The following LRRTM4 variants were observed in gnomAD, a reference collection of about 807,000 sequenced individuals.
LRRTM4 encodes the protein leucine-rich repeat transmembrane neuronal protein 4.
LRRTM4 carries 25 observed loss-of-function variants against 47.6 expected under a neutral mutation model. That is an observed-to-expected ratio of 0.53 (90% confidence interval 0.38 to 0.73). The LOEUF is 0.73. Ranked by LOEUF, LRRTM4 falls within the 30% of genes least tolerant of loss-of-function variation. The pLI is 0.00. For missense variants in LRRTM4, 638 were observed against 713.4 expected (o/e 0.89, Z 1.20); for synonymous variants, 311 against 269.5 (o/e 1.15, Z -1.51).
intron 3 of LRRTM4, among the ~76,000 whole-genome samples, chr2:76,792,720 A>G (rs1181956924): frequency 6.6e-6 from 1 of 151,880 alleles, no homozygotes; most frequent in Non-Finnish European, 1.5e-5. Context: ...CACTCTCCCT[A>G]CTTCAGTACA....
At chr2:77,116,443 A>G (rs1323535551) in intron 3 of LRRTM4, among the ~76,000 whole-genome samples, 2 of 152,138 alleles carry the variant, frequency 1.3e-5, no homozygotes, top group African/African-American at 4.8e-5. Flanking sequence ...TGAATATATA[A>G]TTACTGCAGT....
At chr2:77,216,615 C>T (rs1674447735) in intron 3 of LRRTM4, among the ~76,000 whole-genome samples, 1 of 152,016 alleles carries the variant, frequency 6.6e-6, no homozygotes, top group Non-Finnish European at 1.5e-5. Context: ...AAAATTTCTC[C>T]CCTGAAGATA....
chr2:77,087,657 C>G (rs1177267244), intron 3 of LRRTM4, among the ~76,000 whole-genome samples: 3 of 152,070 alleles, frequency 2.0e-5, no homozygotes, highest in Non-Finnish European at 4.4e-5. Flanking sequence ...ATAACTGAAG[C>G]CCAACAGCAT....
intron 3 of LRRTM4, among the ~76,000 whole-genome samples, chr2:76,983,040 A>T (rs1057355680): frequency 6.7e-6 from 1 of 149,752 alleles, no homozygotes; most frequent in Admixed American, 6.8e-5. Flanking sequence ...CACATATTAA[A>T]TACTCTCACT....
intron 3 of LRRTM4, among the ~76,000 whole-genome samples, chr2:77,251,111 A>AG (rs1675593023): frequency 6.7e-6 from 1 of 150,200 alleles, no homozygotes; most frequent in African/African-American, 2.5e-5. Flanking sequence ...CTTCAAGAAA[A>AG]AAAATATATA....
chr2:77,084,279 G>A (rs1045506404), intron 3 of LRRTM4, among the ~76,000 whole-genome samples: 4 of 152,174 alleles, frequency 2.6e-5, no homozygotes, highest in Non-Finnish European at 5.9e-5. Context: ...TATGGGATGT[G>A]ATGGCTAGGC....
intron 3 of LRRTM4, among the ~76,000 whole-genome samples, chr2:76,874,576 C>T (rs1672726255): frequency 6.6e-6 from 1 of 151,450 alleles, no homozygotes; most frequent in Admixed American, 6.6e-5. Context: ...TGTGTAAAGT[C>T]CTATCACATG....
At chr2:77,026,775 T>C (rs1404500478) in intron 3 of LRRTM4, among the ~76,000 whole-genome samples, 1 of 152,078 alleles carries the variant, frequency 6.6e-6, no homozygotes, top group South Asian at 2.1e-4. Flanking sequence ...AAAATAAAGC[T>C]GCATATTTGG....
chr2:76,863,284 T>A (rs996046988), intron 3 of LRRTM4, among the ~76,000 whole-genome samples: 1 of 152,206 alleles, frequency 6.6e-6, no homozygotes, highest in Non-Finnish European at 1.5e-5. Context: ...TTTGCCAGGC[T>A]GAAAGAATAC....
At chr2:76,997,341 CTTTA>C (rs1677238364) in intron 3 of LRRTM4, among the ~76,000 whole-genome samples, 1 of 110,806 alleles carries the variant, frequency 9.0e-6, no homozygotes, top group South Asian at 2.8e-4. Context: ...AGTATAAATG[CTTTA>C]TTTCTCACTG....
intron 3 of LRRTM4, among the ~76,000 whole-genome samples, chr2:77,410,940 A>G (rs185525572): frequency 2.4e-4 from 37 of 152,312 alleles, no homozygotes; most frequent in African/African-American, 8.7e-4. Flanking sequence ...GAAACTTTCT[A>G]CATAGAAGGC....
At chr2:76,939,603 C>T (rs1002284015) in intron 3 of LRRTM4, among the ~76,000 whole-genome samples, 2 of 151,558 alleles carry the variant, frequency 1.3e-5, no homozygotes, top group Non-Finnish European at 2.9e-5. Context: ...AGGAATAGAA[C>T]CAATATTTTA....
chr2:77,299,258 T>TACAC (rs912276213), intron 3 of LRRTM4, among the ~76,000 whole-genome samples: 5 of 67,268 alleles, frequency 7.4e-5, no homozygotes, highest in East Asian at 4.0e-4. Context: ...TATATATATA[T>TACAC]ACACACACAC....
intron 3 of LRRTM4, among the ~76,000 whole-genome samples, chr2:77,215,513 C>T (rs1674411442): frequency 6.6e-6 from 1 of 152,004 alleles, no homozygotes; most frequent in African/African-American, 2.4e-5. Flanking sequence ...GAATTATGAC[C>T]TATTTTTTTT....
intron 3 of LRRTM4, among the ~76,000 whole-genome samples, chr2:76,794,799 T>G (rs1157105586): frequency 6.6e-6 from 1 of 152,002 alleles, no homozygotes; most frequent in East Asian, 1.9e-4. Flanking sequence ...CCAGAGCCAG[T>G]AGCATCAATC....
intron 3 of LRRTM4, among the ~76,000 whole-genome samples, chr2:77,386,304 C>G (rs1033320780): frequency 2.0e-5 from 3 of 151,956 alleles, no homozygotes; most frequent in African/African-American, 7.2e-5. Flanking sequence ...ACATAAGGAA[C>G]AATATTACCT....
At chr2:77,471,308 A>G (rs1452287216) in intron 3 of LRRTM4, among the ~76,000 whole-genome samples, 1 of 152,144 alleles carries the variant, frequency 6.6e-6, no homozygotes, top group African/African-American at 2.4e-5. Flanking sequence ...TATTTTCCAA[A>G]TAATTTCCAA....
intron 3 of LRRTM4, among the ~76,000 whole-genome samples, chr2:77,332,195 C>CT (rs1470306299): frequency 2.0e-5 from 3 of 151,932 alleles, no homozygotes; most frequent in Admixed American, 1.3e-4. Context: ...GACAAAACAA[C>CT]TTTTTTTAGG....
intron 3 of LRRTM4, among the ~76,000 whole-genome samples, chr2:77,316,113 C>T (rs1188315174): frequency 6.6e-6 from 1 of 152,124 alleles, no homozygotes; most frequent in African/African-American, 2.4e-5. Context: ...TTCTCTTTAA[C>T]AGAGGCAAAA....
Sources: allele counts gnomAD v4.1 joint callset (sites outside exome capture counted in the v4.1 genomes callset), GRCh38; gene constraint gnomAD v4.1.1; transcripts MANE v1.5; gene names NCBI Gene and HGNC (gene_info 2026-07-23, HGNC 2026-07-21).